Variants in SCN2A observed in about 807,000 individuals in gnomAD.
SCN2A encodes sodium voltage-gated channel alpha subunit 2.
A neutral mutation model predicts 188.7 loss-of-function variants in SCN2A; 20 were observed. That is an observed-to-expected ratio of 0.11 (90% CI 0.07 to 0.15). SCN2A has a LOEUF of 0.15. Among genes scored for constraint, SCN2A ranks in the 10% least tolerant of loss-of-function variants. The pLI is 1.00. For synonymous variants in SCN2A, 804 were observed against 833.1 expected (o/e 0.97, Z 0.60); for missense variants, 1,278 against 2,445.0 (o/e 0.52, Z 10.07).
chr2:165,254,718 A>C (rs191085071), intron 1 of SCN2A, among the ~76,000 whole-genome samples: 100 of 151,966 alleles, frequency 6.6e-4, no homozygotes, highest in African/African-American at 2.2e-3. Context: ...AAAGATTTTA[A>C]CATAGTTAAT....
rs1699612072 is a variant in SCN2A, at chr2:165,346,786, T to A, written c.2919+1875T>A. ...CCTATCAAAAAGTGGGTGAAGGATA[T>A]GAACAGACACTTCTCAAAAGAAGAC... is the stretch of plus-strand genomic sequence containing the variant. On this transcript the variant is annotated intron_variant, in intron 16 of 26. Coordinates refer to ENST00000375437, the MANE Select transcript of SCN2A (RefSeq NM_001040142.2). Among the ~76,000 whole-genome samples, 5 of 152,314 alleles carry A rather than the reference T, an allele frequency of 3.3e-5. 1 individual carries two copies. In the South Asian group the frequency reaches 1.0e-3, roughly 32 times the overall value.
chr2:165,338,690 G>A (rs1699146854), intron 14 of SCN2A, among the ~76,000 whole-genome samples: 1 of 152,054 alleles, frequency 6.6e-6, no homozygotes, highest in African/African-American at 2.4e-5. Flanking sequence ...AGAGAAAAAA[G>A]TAATAAATAC....
chr2:165,311,969 G>A (rs903994289), intron 7 of SCN2A, 56 bp from the exon 8 acceptor site: 1 of 1,256,168 alleles, frequency 8.0e-7, no homozygotes, highest in Admixed American at 1.7e-5. Context: ...AAACAGGGTG[G>A]CTGAAGTGTT....
chr2:165,339,310 C>A (rs1266685280), intron 14 of SCN2A, among the ~76,000 whole-genome samples: 7 of 151,640 alleles, frequency 4.6e-5, no homozygotes, highest in African/African-American at 1.7e-4. Context: ...TGAATTCTTG[C>A]CCCTTAGAAA....
intron 18 of SCN2A, 25 bp downstream of exon 18, chr2:165,365,288 G>T: frequency 5.0e-6 from 8 of 1,612,572 alleles, no homozygotes; most frequent in Non-Finnish European, 6.8e-6. Flanking sequence ...AACATATGTG[G>T]TCTTGAGTAT....
rs755823274 is a variant in SCN2A at position 165,370,138 on chromosome 2, A to G, written c.3688A>G (p.Ile1230Val). The G allele has an allele frequency of 1.2e-6, 2 of 1,614,026 alleles. No individual in the cohort carries two copies. Among genetic ancestry groups the G allele is most frequent in the Non-Finnish European group, 8.5e-7 (1 of 1,179,864 alleles). The change falls in exon 20 of 27, where the codon ATA (isoleucine) becomes GTA (valine). Residue 1230 changes from isoleucine (I) to valine (V), a missense_variant. By Grantham distance (29) the Ile-to-Val change is conservative. Around this residue, in one of 17 missense-constraint regions of SCN2A, gnomAD observed 228 missense variants for 297.3 expected, o/e 0.77. Transcript: ENST00000375437. The part of the protein sequence containing the change: ...LSSGALAFED[I>V]YIEQRKTIKT... The stretch of plus-strand genomic sequence containing the variant: ...TTTTGACTTACAGGCCTTTGAAGAT[A>G]TATACATTGAGCAGCGAAAAACCAT...
intron 14 of SCN2A, among the ~76,000 whole-genome samples, chr2:165,333,331 A>T (rs1041376790): frequency 6.6e-6 from 1 of 151,984 alleles, no homozygotes; most frequent in African/African-American, 2.4e-5. Context: ...AATAGTAGAA[A>T]ATCCATAGGC....
At chr2:165,251,181 A>G (rs1465765879) in intron 1 of SCN2A, among the ~76,000 whole-genome samples, 1 of 152,008 alleles carries the variant, frequency 6.6e-6, no homozygotes, top group Non-Finnish European at 1.5e-5. Context: ...ATGTAAGCAA[A>G]ATCTAGCCAA....
At chr2:165,359,278 A>G in intron 17 of SCN2A, among the ~76,000 whole-genome samples, 1 of 152,078 alleles carries the variant, frequency 6.6e-6, no homozygotes, top group East Asian at 1.9e-4. Flanking sequence ...ACTTTTTCCT[A>G]TTATGTATTA....
chr2:165,347,801 A>G (rs1209780689), intron 16 of SCN2A, among the ~76,000 whole-genome samples: 1 of 152,190 alleles, frequency 6.6e-6, no homozygotes, highest in East Asian at 1.9e-4. Context: ...CTTGCTTTAC[A>G]ATAGGAAGGT....
intron 3 of SCN2A, among the ~76,000 whole-genome samples, chr2:165,300,872 C>T (rs1696773757): frequency 6.6e-6 from 1 of 152,162 alleles, no homozygotes; most frequent in Admixed American, 6.5e-5. Context: ...ACTCTGGCTG[C>T]TTCATGGAGA....
At chr2:165,299,334 T>C (rs951974494) in intron 3 of SCN2A, among the ~76,000 whole-genome samples, 5 of 152,186 alleles carry the variant, frequency 3.3e-5, no homozygotes, top group Non-Finnish European at 5.9e-5. Flanking sequence ...GCTGAAGTCA[T>C]TGGGAGGCCT....
At chr2:165,331,969 G>A (rs544427200) in intron 14 of SCN2A, among the ~76,000 whole-genome samples, 1 of 151,970 alleles carries the variant, frequency 6.6e-6, no homozygotes, top group Non-Finnish European at 1.5e-5. Context: ...ACTTGAAGAT[G>A]GACTATGTAG....
rs574229118 is a variant in SCN2A, at chr2:165,239,450, A to T, written c.-242A>T. 2 of 160,588 alleles carry T rather than the reference A, an allele frequency of 1.2e-5. No individual in the cohort carries two copies. The highest frequency in any genetic ancestry group is 2.6e-5 in the Non-Finnish European group (2 of 75,748). 9.9% of individuals were successfully genotyped at this position (160,588 alleles called of 1,614,324 possible). A position where few individuals can be genotyped will look rare whatever the true frequency, so the allele number is the denominator to read the frequency against. ...GGTACCATCGAATGACTGTCAGAAC[A>T]GAAAGCTAAGGCAAAGGAGGGAGGA... On this transcript the variant is annotated 5_prime_UTR_variant, in exon 1 of 27. Transcript: ENST00000375437.
chr2:165,375,676 G>T (rs923008850), intron 22 of SCN2A, among the ~76,000 whole-genome samples: 3 of 152,106 alleles, frequency 2.0e-5, no homozygotes, highest in Admixed American at 2.0e-4. Flanking sequence ...TTCAGTTTAG[G>T]AAACTGCTTC....
intron 25 of SCN2A, among the ~76,000 whole-genome samples, chr2:165,386,011 A>C (rs1701848636): frequency 6.6e-6 from 1 of 152,222 alleles, no homozygotes; most frequent in African/African-American, 2.4e-5. Context: ...AGTATAAATA[A>C]AACAAATACA....
chr2:165,363,864 CATT>C (rs1174826674), intron 17 of SCN2A, among the ~76,000 whole-genome samples: 1 of 152,106 alleles, frequency 6.6e-6, no homozygotes, highest in Non-Finnish European at 1.5e-5. Context: ...ATGCTTCCAT[CATT>C]AGTATTTTTA....
At chr2:165,356,455 G>A (rs898377201) in intron 17 of SCN2A, among the ~76,000 whole-genome samples, 1 of 151,998 alleles carries the variant, frequency 6.6e-6, no homozygotes, top group Non-Finnish European at 1.5e-5. Flanking sequence ...AGCTGAAGTC[G>A]GCATTTATAA....
At chr2:165,324,068 G>A (rs1043009326) in intron 12 of SCN2A, among the ~76,000 whole-genome samples, 4 of 152,094 alleles carry the variant, frequency 2.6e-5, no homozygotes, top group African/African-American at 9.7e-5. Flanking sequence ...TTGGAATCAT[G>A]GGCTGTCATT....
Sources: gnomAD v4.1 joint callset for allele counts (sites outside exome capture counted in the v4.1 genomes callset) on GRCh38, gnomAD v4.1.1 for gene constraint, gnomAD v4.1.1 regional missense constraint, MANE v1.5 for transcripts, NCBI Gene and HGNC (gene_info 2026-07-23, HGNC 2026-07-21) for gene names.